Variants in LYPLAL1 observed in about 807,000 individuals in gnomAD.
The protein encoded by LYPLAL1 is lysophospholipase like 1, also known as lysophospholipase-like protein 1.
Under a neutral mutation model 19.7 loss-of-function variants are expected in LYPLAL1, and 23 were observed. The observed-to-expected ratio is 1.17, with a 90% confidence interval of 0.84 to 1.65. LYPLAL1 has a LOEUF of 1.65. Ranked by LOEUF, LYPLAL1 falls within the 40% of genes most tolerant of loss-of-function variation. LYPLAL1 has a pLI of 0.00. For missense variants in LYPLAL1, 355 were observed against 279.4 expected (o/e 1.27, Z -1.93); for synonymous variants, 119 against 96.3 (o/e 1.24, Z -1.38).
At chr1:219,408,631 G>A in the LYPLAL1 span, among the ~76,000 whole-genome samples, 650 of 152,078 alleles carry the variant, frequency 4.3e-3, 5 homozygotes, top group African/African-American at 0.014. Flanking sequence ...GGGGTGGTTC[G>A]AGGTGAGGGA....
chr1:219,390,431 T>C, the LYPLAL1 span, among the ~76,000 whole-genome samples: 1 of 152,200 alleles, frequency 6.6e-6, no homozygotes, highest in African/African-American at 2.4e-5. Context: ...GAGAAGGGAC[T>C]GGGAGTCATC....
At chr1:219,311,970 C>T in the LYPLAL1 span, among the ~76,000 whole-genome samples, 6 of 152,066 alleles carry the variant, frequency 3.9e-5, no homozygotes, top group Non-Finnish European at 8.8e-5. Flanking sequence ...CCAGGAAACC[C>T]GTTGGAAGGT....
At chr1:219,388,969 C>A in the LYPLAL1 span, among the ~76,000 whole-genome samples, 1 of 152,128 alleles carries the variant, frequency 6.6e-6, no homozygotes, top group East Asian at 1.9e-4. Context: ...TACTCCACAC[C>A]TGACATTTTT....
chr1:219,213,495 C>T (rs1003826971), downstream of LYPLAL1, among the ~76,000 whole-genome samples: 1 of 151,486 alleles, frequency 6.6e-6, no homozygotes, highest in South Asian at 2.1e-4. Flanking sequence ...TAAACCTGTA[C>T]ATCAATTTGG....
chr1:219,275,036 C>T, the LYPLAL1 span, among the ~76,000 whole-genome samples: 28,151 of 152,050 alleles, frequency 0.19, 2,770 homozygotes, highest in Non-Finnish European at 0.21. Flanking sequence ...TAAACCTAAA[C>T]GAAAATACTG....
the LYPLAL1 span, among the ~76,000 whole-genome samples, chr1:219,243,645 C>T: frequency 2.0e-5 from 3 of 151,992 alleles, no homozygotes; most frequent in African/African-American, 4.8e-5. Context: ...AAGGTCCCGG[C>T]GCAGTGGCTC....
downstream of LYPLAL1, among the ~76,000 whole-genome samples, chr1:219,214,650 CGTCATATTACT>C (rs530755484): frequency 1.3e-5 from 2 of 150,546 alleles, no homozygotes; most frequent in East Asian, 1.9e-4. Context: ...GTACCATCAA[CGTCATATTACT>C]TTATTTAAAC....
chr1:219,274,685 G>A, the LYPLAL1 span, among the ~76,000 whole-genome samples: 1 of 152,068 alleles, frequency 6.6e-6, no homozygotes, highest in Non-Finnish European at 1.5e-5. Flanking sequence ...CCCCCGGCCA[G>A]TTTTGTATTT....
the LYPLAL1 span, among the ~76,000 whole-genome samples, chr1:219,381,143 T>C: frequency 1.3e-5 from 2 of 152,102 alleles, no homozygotes; most frequent in African/African-American, 4.8e-5. Context: ...GGTAAATGAA[T>C]CATGGGGTGG....
chr1:219,381,092 C>G, the LYPLAL1 span, among the ~76,000 whole-genome samples: 1 of 152,152 alleles, frequency 6.6e-6, no homozygotes, highest in Non-Finnish European at 1.5e-5. Context: ...TGAATTGTAG[C>G]TCCCATAATT....
chr1:219,184,699 G>A (rs1446989969), intron 2 of LYPLAL1, among the ~76,000 whole-genome samples: 3 of 151,984 alleles, frequency 2.0e-5, no homozygotes, highest in East Asian at 3.9e-4. Flanking sequence ...AATAGTCATG[G>A]TTTTTATCTT....
chr1:219,188,937 T>C (rs1656937121), intron 2 of LYPLAL1, among the ~76,000 whole-genome samples: 1 of 151,800 alleles, frequency 6.6e-6, no homozygotes, highest in Non-Finnish European at 1.5e-5. Context: ...TTAAATGTTA[T>C]TCTAACATTT....
the LYPLAL1 span, among the ~76,000 whole-genome samples, chr1:219,262,809 G>C: frequency 2.5e-4 from 38 of 152,228 alleles, no homozygotes; most frequent in Non-Finnish European, 3.5e-4. Flanking sequence ...TTTCTCAAAT[G>C]CTAGTTATTC....
At chr1:219,314,302 T>TATTATATTGTACATGTACAATATAA in the LYPLAL1 span, among the ~76,000 whole-genome samples, 1 of 152,278 alleles carries the variant, frequency 6.6e-6, no homozygotes, top group Admixed American at 6.5e-5. Flanking sequence ...TGCATGTCTT[T>TATTATATTGTACATGTACAATATAA]ATTGTAGAAC....
chr1:219,344,165 T>C, the LYPLAL1 span, among the ~76,000 whole-genome samples: 3 of 152,296 alleles, frequency 2.0e-5, no homozygotes, highest in South Asian at 4.1e-4. Flanking sequence ...GCTACACTTC[T>C]GTATTCATTG....
the LYPLAL1 span, among the ~76,000 whole-genome samples, chr1:219,219,722 G>T: frequency 6.6e-6 from 1 of 152,106 alleles, no homozygotes; most frequent in Non-Finnish European, 1.5e-5. Context: ...TTGTGTGTGT[G>T]TGTGTGCATG....
At chr1:219,238,122 CTTTTTTT>C in the LYPLAL1 span, among the ~76,000 whole-genome samples, 1 of 103,894 alleles carries the variant, frequency 9.6e-6, no homozygotes, top group South Asian at 3.3e-4. Flanking sequence ...TGGATCTAAA[CTTTTTTT>C]TTTTTTTTTT....
chr1:219,399,868 G>A, the LYPLAL1 span, among the ~76,000 whole-genome samples: 2 of 152,136 alleles, frequency 1.3e-5, no homozygotes, highest in Non-Finnish European at 1.5e-5. Context: ...AAGCCCAGGG[G>A]TTTGGCCATC....
At chr1:219,423,378 CT>C in the LYPLAL1 span, among the ~76,000 whole-genome samples, 3 of 152,148 alleles carry the variant, frequency 2.0e-5, no homozygotes, top group African/African-American at 7.2e-5. Context: ...CTGTGCTTTC[CT>C]AATAAGCTCC....
Sources: allele counts gnomAD v4.1 joint callset (sites outside exome capture counted in the v4.1 genomes callset), GRCh38; gene constraint gnomAD v4.1.1; transcripts MANE v1.5; gene names NCBI Gene and HGNC (gene_info 2026-07-23, HGNC 2026-07-21).